GRIK2: variants seen among roughly 807,000 people sequenced by gnomAD.
GRIK2 encodes the protein glutamate ionotropic receptor kainate type subunit 2.
GRIK2 carries 32 observed loss-of-function variants against 100.3 expected under a neutral mutation model. The ratio of observed to expected loss-of-function variants is 0.32; its 90% confidence interval spans 0.24 to 0.43. The LOEUF is 0.43. Ranked by LOEUF, GRIK2 falls within the 20% of genes least tolerant of loss-of-function variation. The pLI, the probability that GRIK2 is intolerant of heterozygous loss-of-function variation, is 1.00. For synonymous variants in GRIK2, 417 were observed against 389.4 expected, an observed-to-expected ratio of 1.07 and a Z score of -0.83; for missense variants, 843 against 1,114.9, an observed-to-expected ratio of 0.76 and a Z score of 3.47.
chr6:101,564,848 A>G (rs1052309921), intron 2 of GRIK2, among the ~76,000 whole-genome samples: 2 of 152,096 alleles, frequency 1.3e-5, no homozygotes, highest in Non-Finnish European at 2.9e-5. Flanking sequence ...TGTGTATGGG[A>G]CAATAGCACT....
chr6:101,898,628 C>T (rs530989151), intron 12 of GRIK2, among the ~76,000 whole-genome samples: 1 of 151,464 alleles, frequency 6.6e-6, no homozygotes, highest in Non-Finnish European at 1.5e-5. Context: ...AAGCTAGTCT[C>T]TGGAAATGCT....
intron 7 of GRIK2, among the ~76,000 whole-genome samples, chr6:101,754,766 G>A (rs1407067901): frequency 6.6e-6 from 1 of 152,228 alleles, no homozygotes; most frequent in African/African-American, 2.4e-5. Context: ...AACGAGGGAT[G>A]AGTGATCCAG....
chr6:101,850,454 G>GT (rs1405798984), intron 10 of GRIK2, among the ~76,000 whole-genome samples: 1 of 151,884 alleles, frequency 6.6e-6, no homozygotes, highest in East Asian at 1.9e-4. Flanking sequence ...TATGTTTTAA[G>GT]TAGCATGAGT....
At chr6:101,733,044 G>A (rs1775385598) in intron 7 of GRIK2, among the ~76,000 whole-genome samples, 1 of 151,986 alleles carries the variant, frequency 6.6e-6, no homozygotes, top group African/African-American at 2.4e-5. Context: ...GGGAAATTAA[G>A]GCTTCAACAT....
chr6:101,526,432 A>G (rs2852546), intron 2 of GRIK2, among the ~76,000 whole-genome samples: 73,727 of 152,046 alleles, frequency 0.48, 18,101 homozygotes, highest in South Asian at 0.58. Context: ...GAAAAAATAA[A>G]CATAAATTAG....
At chr6:101,743,052 T>C (rs1226643462) in intron 7 of GRIK2, among the ~76,000 whole-genome samples, 1 of 152,186 alleles carries the variant, frequency 6.6e-6, no homozygotes, top group African/African-American at 2.4e-5. Context: ...CGTGGCTCTT[T>C]ACGGGAATCA....
At chr6:101,836,747 C>T (rs1254422180) in intron 10 of GRIK2, among the ~76,000 whole-genome samples, 2 of 142,708 alleles carry the variant, frequency 1.4e-5, no homozygotes, top group Non-Finnish European at 3.0e-5. Context: ...CTCACTGCAA[C>T]CTCTGCCTCC....
intron 4 of GRIK2, among the ~76,000 whole-genome samples, chr6:101,650,528 A>T (rs1032016275): frequency 1.3e-5 from 2 of 152,140 alleles, no homozygotes; most frequent in Non-Finnish European, 2.9e-5. Context: ...GCAGGGAGTG[A>T]GGTGCATTAG....
intron 7 of GRIK2, among the ~76,000 whole-genome samples, chr6:101,716,939 C>G (rs899049054): frequency 6.6e-6 from 1 of 151,826 alleles, no homozygotes; most frequent in Non-Finnish European, 1.5e-5. Context: ...TTAATCTCCA[C>G]AGGAATCATT....
chr6:101,641,310 A>T (rs1781268753), intron 4 of GRIK2, among the ~76,000 whole-genome samples: 1 of 152,194 alleles, frequency 6.6e-6, no homozygotes, highest in East Asian at 1.9e-4. Flanking sequence ...CAAATTCCCC[A>T]TTCCACTCTC....
At chr6:101,786,946 T>C (rs925825944) in intron 7 of GRIK2, among the ~76,000 whole-genome samples, 2 of 152,112 alleles carry the variant, frequency 1.3e-5, no homozygotes, top group Non-Finnish European at 2.9e-5. Flanking sequence ...CATCTGATAC[T>C]GGGCTTTTCT....
At chr6:101,876,005 G>A (rs1329694170) in intron 11 of GRIK2, among the ~76,000 whole-genome samples, 1 of 140,252 alleles carries the variant, frequency 7.1e-6, no homozygotes, top group Non-Finnish European at 1.5e-5. Context: ...GTGTGTTTAT[G>A]TGTTTGTGTG....
chr6:101,407,367 G>C (rs1023110238), intron 2 of GRIK2, among the ~76,000 whole-genome samples: 1 of 152,054 alleles, frequency 6.6e-6, no homozygotes, highest in South Asian at 2.1e-4. Flanking sequence ...CAGTTAAATA[G>C]CTTGTTCTAA....
At chr6:101,923,939 A>AG (rs555093516) in intron 12 of GRIK2, among the ~76,000 whole-genome samples, 1 of 151,516 alleles carries the variant, frequency 6.6e-6, no homozygotes, top group Non-Finnish European at 1.5e-5. Context: ...AAAAAAAAAA[A>AG]AAAAAAAACC....
chr6:101,594,897 T>A (rs554279201), intron 2 of GRIK2, among the ~76,000 whole-genome samples: 1 of 151,562 alleles, frequency 6.6e-6, no homozygotes, highest in Admixed American at 6.6e-5. Context: ...TTTTTTCTTA[T>A]GTTGTTTTAT....
intron 2 of GRIK2, among the ~76,000 whole-genome samples, chr6:101,436,169 T>G (rs1436213610): frequency 1.3e-5 from 2 of 152,158 alleles, no homozygotes; most frequent in Non-Finnish European, 2.9e-5. Context: ...AATAAGTTGA[T>G]GTACATGTGT....
intron 12 of GRIK2, among the ~76,000 whole-genome samples, chr6:101,898,594 C>T (rs924809219): frequency 6.6e-6 from 1 of 151,702 alleles, no homozygotes; most frequent in African/African-American, 2.4e-5. Flanking sequence ...ACATTAGCAA[C>T]CAAATGTGTA....
Position 101,612,540 on chromosome 6 carries a change from T to G in GRIK2, c.116-9409T>G, listed in dbSNP as rs1037632016. 4.6e-5 allele frequency among the ~76,000 whole-genome samples: 7 copies of G among 151,940 alleles called. No individual in the cohort carries two copies. The East Asian group carries it at 1.4e-3, about 29-fold the overall frequency. On this transcript the variant is annotated intron_variant, in intron 2 of 16. Coordinates refer to ENST00000369134, the MANE Select transcript of GRIK2 (RefSeq NM_021956.5). ...ATGTTTCATACTTATTTAAATTTCT[T>G]TAGCTTCAAATTGCAGGAGTTTGCA...
intron 7 of GRIK2, among the ~76,000 whole-genome samples, chr6:101,693,075 A>T (rs1001549202): frequency 6.6e-6 from 1 of 152,160 alleles, no homozygotes; most frequent in Admixed American, 6.6e-5. Flanking sequence ...TGTTTTATTA[A>T]CATAGAACAT....
Sources: gnomAD v4.1 joint callset for allele counts (sites outside exome capture counted in the v4.1 genomes callset) on GRCh38, gnomAD v4.1.1 for gene constraint, MANE v1.5 for transcripts, NCBI Gene and HGNC (gene_info 2026-07-23, HGNC 2026-07-21) for gene names.